PRKD3: variants seen among roughly 807,000 people sequenced by gnomAD.
PRKD3 encodes protein kinase D3.
A neutral mutation model predicts 99.2 loss-of-function variants in PRKD3; 47 were observed. The ratio of observed to expected loss-of-function variants is 0.47; its 90% CI spans 0.38 to 0.60. The LOEUF (loss-of-function observed/expected upper bound fraction) is 0.60. PRKD3 is among the 20% of genes least tolerant of loss of function. PRKD3 has a pLI of 0.00. For synonymous variants in PRKD3, 392 were observed against 355.4 expected, an observed-to-expected ratio of 1.10 and a Z score of -1.16; for missense variants, 1,019 against 1,088.4, an observed-to-expected ratio of 0.94 and a Z score of 0.90.
intron 18 of PRKD3, 122 bp downstream of exon 18, chr2:37,254,082 A>C: frequency 1.4e-6 from 1 of 710,024 alleles, no homozygotes. Context: ...CCATAGTACA[A>C]ATTAATCACT....
intron 1 of PRKD3, among the ~76,000 whole-genome samples, chr2:37,321,576 T>C (rs1191512239): frequency 6.6e-6 from 1 of 152,242 alleles, no homozygotes; most frequent in Non-Finnish European, 1.5e-5. Flanking sequence ...TTAGTACTTA[T>C]TATTTCCCAG....
intron 2 of PRKD3, among the ~76,000 whole-genome samples, chr2:37,312,938 A>G (rs1054030650): frequency 6.6e-6 from 1 of 152,232 alleles, no homozygotes; most frequent in African/African-American, 2.4e-5. Flanking sequence ...TTTACAGAAT[A>G]TAACTACTAT....
intron 17 of PRKD3, among the ~76,000 whole-genome samples, chr2:37,256,209 A>C (rs1314156762): frequency 1.3e-5 from 2 of 152,178 alleles, no homozygotes; most frequent in South Asian, 2.1e-4. Context: ...GTAAACAACT[A>C]GGTTTGTGTA....
intron 1 of PRKD3, among the ~76,000 whole-genome samples, chr2:37,322,478 C>T (rs535481482): frequency 7.0e-4 from 107 of 152,300 alleles, no homozygotes; most frequent in South Asian, 2.9e-3. Flanking sequence ...AGAGAGCACA[C>T]CATATCTGCT....
chr2:37,306,760 G>C (rs1324128694), intron 2 of PRKD3, among the ~76,000 whole-genome samples: 1 of 152,136 alleles, frequency 6.6e-6, no homozygotes, highest in Non-Finnish European at 1.5e-5. Flanking sequence ...AGTGAGCCGT[G>C]ATCATGCCAT....
At chr2:37,310,299 G>A (rs1287118270) in intron 2 of PRKD3, among the ~76,000 whole-genome samples, 3 of 152,144 alleles carry the variant, frequency 2.0e-5, no homozygotes, top group Non-Finnish European at 4.4e-5. Flanking sequence ...TAATAATATT[G>A]ATTAGCTAGC....
intron 1 of PRKD3, among the ~76,000 whole-genome samples, chr2:37,321,590 G>T (rs1489917504): frequency 6.6e-6 from 1 of 152,174 alleles, no homozygotes; most frequent in Non-Finnish European, 1.5e-5. Context: ...TTCCCAGACT[G>T]TTATGAGAGA....
At chr2:37,296,692 T>G (rs1319337810) in intron 2 of PRKD3, among the ~76,000 whole-genome samples, 1 of 151,630 alleles carries the variant, frequency 6.6e-6, no homozygotes, top group African/African-American at 2.4e-5. Context: ...GGTCAAGAGA[T>G]CAAGACCATC....
chr2:37,254,056 G>C (rs1667740168), intron 18 of PRKD3, 148 bp downstream of exon 18: 8 of 629,402 alleles, frequency 1.3e-5, no homozygotes, highest in Admixed American at 7.9e-5. Context: ...ATGCTGTATG[G>C]TTTCCAGAGA....
intron 1 of PRKD3, among the ~76,000 whole-genome samples, chr2:37,321,608 G>A (rs1048871702): frequency 6.6e-6 from 1 of 152,188 alleles, no homozygotes; most frequent in East Asian, 1.9e-4. Flanking sequence ...AGACACTGGA[G>A]TTATAGAGCA....
At chr2:37,315,217 T>C (rs1333856819) in intron 2 of PRKD3, among the ~76,000 whole-genome samples, 1 of 152,128 alleles carries the variant, frequency 6.6e-6, no homozygotes, top group Non-Finnish European at 1.5e-5. Context: ...ACAACCCATA[T>C]AAACTCTTTT....
intron 3 of PRKD3, among the ~76,000 whole-genome samples, chr2:37,292,488 C>T (rs569356090): frequency 1.4e-4 from 21 of 151,942 alleles, no homozygotes; most frequent in Admixed American, 5.9e-4. Flanking sequence ...TGGGACTAGG[C>T]GCCCACCACC....
At chr2:37,262,697 T>G (rs1414717465) in intron 14 of PRKD3, among the ~76,000 whole-genome samples, 1 of 152,184 alleles carries the variant, frequency 6.6e-6, no homozygotes, top group African/African-American at 2.4e-5. Context: ...CTGCCCTCCT[T>G]TAAAAACACG....
At chr2:37,318,212 G>A (rs1436577402) in intron 1 of PRKD3, among the ~76,000 whole-genome samples, 1 of 152,084 alleles carries the variant, frequency 6.6e-6, no homozygotes, top group African/African-American at 2.4e-5. Context: ...GAATGGGAAA[G>A]CTCAGGAAAA....
chr2:37,274,143 T>C (rs1354406454), intron 11 of PRKD3, among the ~76,000 whole-genome samples: 1 of 152,192 alleles, frequency 6.6e-6, no homozygotes, highest in African/African-American at 2.4e-5. Context: ...TACAGTGAGG[T>C]AAAGTACTTG....
intron 6 of PRKD3, among the ~76,000 whole-genome samples, chr2:37,284,746 T>C (rs971774108): frequency 1.3e-5 from 2 of 152,226 alleles, no homozygotes; most frequent in Admixed American, 6.5e-5. Flanking sequence ...TTTAATGTTC[T>C]TGTGTGCTAT....
At chr2:37,315,003 G>C (rs1671597208) in intron 2 of PRKD3, among the ~76,000 whole-genome samples, 2 of 152,058 alleles carry the variant, frequency 1.3e-5, no homozygotes, top group Admixed American at 1.3e-4. Flanking sequence ...TCTTTTGGAT[G>C]GGTAATTATT....
intron 2 of PRKD3, among the ~76,000 whole-genome samples, chr2:37,303,317 G>A (rs1342033716): frequency 6.6e-6 from 1 of 152,092 alleles, no homozygotes; most frequent in African/African-American, 2.4e-5. Context: ...AAGCACTGGA[G>A]ACCCAACAAG....
intron 2 of PRKD3, among the ~76,000 whole-genome samples, chr2:37,300,747 G>C (rs985774064): frequency 2.0e-5 from 3 of 152,164 alleles, no homozygotes; most frequent in Admixed American, 2.0e-4. Flanking sequence ...GTGAGTATGA[G>C]CAATACCCAA....
Sources: gnomAD v4.1 joint callset for allele counts (sites outside exome capture counted in the v4.1 genomes callset) on GRCh38, gnomAD v4.1.1 for gene constraint, MANE v1.5 for transcripts, NCBI Gene and HGNC (gene_info 2026-07-23, HGNC 2026-07-21) for gene names.